Variants in MARVELD2 observed in about 807,000 individuals in gnomAD.
MARVELD2 encodes the protein MARVEL domain-containing protein 2.
In MARVELD2, 49 loss-of-function variants were observed where a neutral mutation model predicts 57.6. That is an observed-to-expected ratio of 0.85 (90% CI 0.68 to 1.08). The LOEUF is 1.08. MARVELD2 is among the 50% of genes least tolerant of loss of function. MARVELD2 has a pLI of 0.00. For synonymous variants in MARVELD2, 238 were observed against 258.8 expected, an observed-to-expected ratio of 0.92 and a Z score of 0.77; for missense variants, 606 against 701.1, an observed-to-expected ratio of 0.86 and a Z score of 1.53.
chr5:69,435,253 A>G (rs1270793789), intron 5 of MARVELD2, among the ~76,000 whole-genome samples: 1 of 150,644 alleles, frequency 6.6e-6, no homozygotes, highest in Non-Finnish European at 1.5e-5. Flanking sequence ...ACCTCAGGTG[A>G]TCCACCTACC....
chr5:69,425,621 C>A (rs1489931694), intron 3 of MARVELD2, among the ~76,000 whole-genome samples: 1 of 151,646 alleles, frequency 6.6e-6, no homozygotes, highest in African/African-American at 2.4e-5. Context: ...AAACTTTCTT[C>A]ACTTGTATTT....
At chr5:69,416,312 A>G (rs1027867084) in intron 1 of MARVELD2, among the ~76,000 whole-genome samples, 15 of 152,200 alleles carry the variant, frequency 9.9e-5, no homozygotes, top group African/African-American at 2.9e-4. Flanking sequence ...ACTGATTGTT[A>G]TAATATACAG....
In MARVELD2 at chr5:69,443,692, T is replaced by C. The variant is rs1366914590; in HGVS notation, c.*2038T>C. 6.6e-6 allele frequency: 1 copy of C among 152,134 alleles called. No homozygotes were observed. The highest frequency in any genetic ancestry group is 1.5e-5 in the Non-Finnish European group (1 of 68,032). The allele number at this position is 152,134 out of a possible 1,614,324, so 9.4% of individuals were successfully genotyped here. A position where few individuals can be genotyped will look rare whatever the true frequency, so the allele number is the denominator to read the frequency against. On this transcript the variant is annotated 3_prime_UTR_variant, in exon 7 of 7. Coordinates refer to ENST00000325631, the MANE Select transcript of MARVELD2 (RefSeq NM_001038603.3). ...GTAGCATTACAGCTTCTGACTAATA[T>C]AGCTGCCATTCAGACAATTAATGTT...
At chr5:69,419,208 G>C in intron 1 of MARVELD2, 163 bp from the exon 2 acceptor site, 1 of 769,428 alleles carries the variant, frequency 1.3e-6, no homozygotes, top group East Asian at 2.7e-5. Flanking sequence ...TTACAGGCAT[G>C]AGCCACCGTG....
chr5:69,439,745 C>T (rs997653695), intron 5 of MARVELD2, among the ~76,000 whole-genome samples: 1 of 151,128 alleles, frequency 6.6e-6, no homozygotes, highest in South Asian at 2.1e-4. Flanking sequence ...CAGAGGGAGA[C>T]TGTCTTAAAA....
Position 69,419,793 on chromosome 5 carries a change from C to T in MARVELD2, c.408C>T (p.Pro136=), listed in dbSNP as rs1561290260. ...HRSPLNSCKD[P]YGGSEGTFSS... ...CGCCCCTCAACTCCTGCAAAGATCC[C>T]TACGGAGGGTCAGAAGGAACCTTTA... Residue 136 remains proline, a synonymous_variant, in exon 2 of 7, where the codon CCC becomes CCT. Transcript: ENST00000325631. 1 of 1,614,174 alleles carries T rather than the reference C, an allele frequency of 6.2e-7. No homozygotes were observed. The highest frequency in any genetic ancestry group is 8.5e-7 in the Non-Finnish European group (1 of 1,180,036).
At chr5:69,438,867 C>T (rs542984995) in intron 5 of MARVELD2, among the ~76,000 whole-genome samples, 4 of 151,500 alleles carry the variant, frequency 2.6e-5, no homozygotes, top group Non-Finnish European at 4.4e-5. Flanking sequence ...GCCTGGGTGA[C>T]AGAATTGAGA....
rs1315906020 is a variant in MARVELD2 at position 69,431,815 on chromosome 5, TTTC to T, written c.1183-697_1183-695del. Among the ~76,000 whole-genome samples, 41 of 151,166 alleles carry T rather than the reference TTTC, an allele frequency of 2.7e-4. 1 individual carries two copies. Among genetic ancestry groups the T allele is most frequent in the South Asian group, 1.5e-3 (7 of 4,790 alleles). On this transcript the variant is annotated intron_variant, in intron 3 of 6. Transcript: ENST00000325631. The stretch of plus-strand genomic sequence containing the variant: ...TTCTTCCTCCTGTCTTCCTCCCCAT[TTTC>T]TTCTTCTTCTTCTTTTTTTTTTTTT...
chr5:69,426,320 C>CTATTATTATT (rs1766790738), intron 3 of MARVELD2, among the ~76,000 whole-genome samples: 1 of 140,116 alleles, frequency 7.1e-6, no homozygotes, highest in Non-Finnish European at 1.5e-5. Context: ...AGATACTGGA[C>CTATTATTATT]ATTATTATTA....
chr5:69,440,386 C>T (rs1767292352), intron 5 of MARVELD2, 64 bp from the exon 6 acceptor site: 1 of 818,144 alleles, frequency 1.2e-6, no homozygotes, highest in Admixed American at 2.0e-5. Flanking sequence ...TCTCAGTGTG[C>T]TTTGAGATAT....
intron 1 of MARVELD2, among the ~76,000 whole-genome samples, chr5:69,416,102 C>T (rs73113095): frequency 0.014 from 2,146 of 152,294 alleles, 51 homozygotes; most frequent in African/African-American, 0.049. Flanking sequence ...AGAGTTAAAT[C>T]CATTACAGTG....
intron 5 of MARVELD2, among the ~76,000 whole-genome samples, chr5:69,439,748 T>A (rs1025894842): frequency 1.3e-5 from 2 of 151,710 alleles, no homozygotes; most frequent in East Asian, 3.9e-4. Context: ...AGGGAGACTG[T>A]CTTAAAATGA....
At chr5:69,435,275 A>G (rs943553227) in intron 5 of MARVELD2, among the ~76,000 whole-genome samples, 34 of 151,832 alleles carry the variant, frequency 2.2e-4, no homozygotes, top group Admixed American at 2.0e-3. Context: ...CAGCCTCCCA[A>G]AGTGCTGGTA....
At chr5:69,422,840 G>C (rs1766671918) in intron 2 of MARVELD2, among the ~76,000 whole-genome samples, 1 of 151,996 alleles carries the variant, frequency 6.6e-6, no homozygotes, top group African/African-American at 2.4e-5. Context: ...TCTCTCTTTT[G>C]TACTCTTTCC....
At chr5:69,436,402 A>AACACACACACACACAC (rs66984523) in intron 5 of MARVELD2, among the ~76,000 whole-genome samples, 86 of 123,882 alleles carry the variant, frequency 6.9e-4, no homozygotes, top group Admixed American at 1.1e-3. Context: ...TATGTATGGG[A>AACACACACACACACAC]ACACACACAC....
chr5:69,432,845 G>T (rs901647469), intron 4 of MARVELD2, 77 bp from the exon 5 acceptor site: 1 of 1,577,170 alleles, frequency 6.3e-7, no homozygotes, highest in African/African-American at 1.3e-5. Context: ...TGATCAGTAA[G>T]GAATAAGATA....
chr5:69,437,947 TATTATTATCAGTGTA>T (rs1767208347), intron 5 of MARVELD2, among the ~76,000 whole-genome samples: 1 of 152,148 alleles, frequency 6.6e-6, no homozygotes, highest in South Asian at 2.1e-4. Context: ...GGCCCACGGT[TATTATTATCAGTGTA>T]TCCTCCAGTC....
At chr5:69,424,687 CT>C (rs1331924468) in intron 3 of MARVELD2, 51 bp downstream of exon 3, 3 of 1,396,474 alleles carry the variant, frequency 2.1e-6, no homozygotes, top group Non-Finnish European at 3.1e-6. Flanking sequence ...TAATACTTTT[CT>C]CTTAGGTCTG....
chr5:69,433,329 A>T (rs1767030125), intron 5 of MARVELD2, among the ~76,000 whole-genome samples: 1 of 148,530 alleles, frequency 6.7e-6, no homozygotes, highest in African/African-American at 2.5e-5. Flanking sequence ...CACGTAGCTA[A>T]TTTTTTTCTA....
Sources: gnomAD v4.1 joint callset for allele counts (sites outside exome capture counted in the v4.1 genomes callset) on GRCh38, gnomAD v4.1.1 for gene constraint, MANE v1.5 for transcripts, NCBI Gene and HGNC (gene_info 2026-07-23, HGNC 2026-07-21) for gene names.